The following LRRC7 variants were observed in gnomAD, a reference collection of about 807,000 sequenced individuals.
LRRC7 encodes the protein leucine rich repeat containing 7.
In LRRC7, 23 loss-of-function variants were observed where a neutral mutation model predicts 175.7. The observed-to-expected ratio is 0.13, with a 90% CI of 0.09 to 0.19. The LOEUF (loss-of-function observed/expected upper bound fraction) is 0.19, where lower values mean the gene tolerates loss of function less well. LRRC7 is among the 10% of genes least tolerant of loss of function. The pLI, the probability that LRRC7 is intolerant of heterozygous loss-of-function variation, is 1.00. For synonymous variants in LRRC7, 685 were observed against 680.9 expected (o/e 1.01, Z -0.09); for missense variants, 1,354 against 1,904.7 (o/e 0.71, Z 5.38).
At chr1:70,009,519 C>T (rs1464443782) in intron 11 of LRRC7, among the ~76,000 whole-genome samples, 1 of 151,848 alleles carries the variant, frequency 6.6e-6, no homozygotes, top group Non-Finnish European at 1.5e-5. Context: ...GATGTTGAAA[C>T]AAATTTAACC....
intron 1 of LRRC7, among the ~76,000 whole-genome samples, chr1:69,570,137 T>A (rs971892552): frequency 6.6e-6 from 1 of 152,082 alleles, no homozygotes; most frequent in African/African-American, 2.4e-5. Context: ...AGGCGAAATT[T>A]CTAAGCACAA....
chr1:69,730,980 G>GA (rs1408625551), intron 2 of LRRC7, among the ~76,000 whole-genome samples: 4 of 151,962 alleles, frequency 2.6e-5, no homozygotes, highest in Non-Finnish European at 5.9e-5. Flanking sequence ...GCAGTGCCGA[G>GA]AAAAAGGGGA....
intron 11 of LRRC7, among the ~76,000 whole-genome samples, chr1:69,995,990 CA>C (rs1209906122): frequency 2.0e-5 from 3 of 149,496 alleles, no homozygotes; most frequent in African/African-American, 7.4e-5. Flanking sequence ...CTGACTTCCA[CA>C]ATGGTTGAAC....
intron 1 of LRRC7, among the ~76,000 whole-genome samples, chr1:69,660,921 C>A (rs1372027763): frequency 1.3e-5 from 2 of 151,994 alleles, no homozygotes; most frequent in Non-Finnish European, 1.5e-5. Context: ...AAAGGCTGTA[C>A]ACGTATGCTC....
At chr1:70,048,985 T>C (rs1660546434) in intron 22 of LRRC7, among the ~76,000 whole-genome samples, 1 of 152,140 alleles carries the variant, frequency 6.6e-6, no homozygotes, top group South Asian at 2.1e-4. Flanking sequence ...TGTGGTCTCT[T>C]CTATAATGGA....
intron 4 of LRRC7, among the ~76,000 whole-genome samples, chr1:69,802,669 A>G (rs1482627637): frequency 6.6e-6 from 1 of 151,310 alleles, no homozygotes; most frequent in Non-Finnish European, 1.5e-5. Context: ...TGCTTAATCC[A>G]TACTACTAAT....
Position 69,869,091 on chromosome 1 carries a change from T to A in LRRC7, c.647+30808T>A, listed in dbSNP as rs1490466832. Among the ~76,000 whole-genome samples the A allele has an allele frequency of 1.3e-5, 2 of 152,030 alleles. 1 individual carries two copies. The highest frequency in any genetic ancestry group is 2.9e-5 in the Non-Finnish European group (2 of 67,976). ...AATTGAAATTTCAACCTATGAATTT[T>A]GAGGGAACACAACTCAGCCCACAAC... On this transcript the variant is annotated intron_variant, in intron 7 of 26. Coordinates refer to ENST00000651989, the MANE Select transcript of LRRC7 (RefSeq NM_001370785.2).
intron 1 of LRRC7, among the ~76,000 whole-genome samples, chr1:69,585,988 G>A (rs1054349676): frequency 2.0e-5 from 3 of 152,140 alleles, no homozygotes; most frequent in African/African-American, 7.2e-5. Flanking sequence ...TTCTTAAAAT[G>A]AAGAGACTAT....
rs1235246908 is a variant in LRRC7 at position 70,122,395 on chromosome 1, A to G, written c.*508A>G. The G allele has an allele frequency of 6.6e-6, 1 of 152,166 alleles. No individual in the cohort carries two copies. The highest frequency in any genetic ancestry group is 2.4e-5 in the African/African-American group (1 of 41,436). The allele number at this position is 152,166 out of a possible 1,614,324, so 9.4% of individuals were successfully genotyped here. ...TATTTTCATAAACTAAACATCTCAG[A>G]TAGAGAAAAAATATATCTTAAAATA... On this transcript the variant is annotated 3_prime_UTR_variant, in exon 27 of 27. Transcript: ENST00000651989.
intron 4 of LRRC7, among the ~76,000 whole-genome samples, chr1:69,797,913 T>TTTTG (rs567826773): frequency 1.9e-3 from 288 of 152,202 alleles, no homozygotes; most frequent in African/African-American, 5.2e-3. Flanking sequence ...ACTTTGTTTT[T>TTTTG]TTTGTTTGTT....
intron 8 of LRRC7, among the ~76,000 whole-genome samples, chr1:69,976,007 T>TTCTCC (rs1338803273): frequency 1.3e-5 from 2 of 152,176 alleles, no homozygotes; most frequent in Non-Finnish European, 2.9e-5. Flanking sequence ...CCCTTAACTT[T>TTCTCC]TCTCCTCTCC....
intron 7 of LRRC7, among the ~76,000 whole-genome samples, chr1:69,862,078 G>T (rs150839433): frequency 4.9e-4 from 75 of 152,330 alleles, no homozygotes; most frequent in African/African-American, 1.8e-3. Context: ...AAAGAGCACT[G>T]TCTAGCTTGG....
At chr1:69,628,218 G>A (rs556534326) in intron 1 of LRRC7, among the ~76,000 whole-genome samples, 33 of 152,120 alleles carry the variant, frequency 2.2e-4, no homozygotes, top group South Asian at 2.1e-4. Flanking sequence ...AGATAACACC[G>A]TCATCTATAT....
intron 7 of LRRC7, among the ~76,000 whole-genome samples, chr1:69,865,489 T>TTTTTTTTTTTTTTTTTTTTTTTTTTTTTC (rs1684837004): frequency 8.4e-6 from 1 of 118,414 alleles, no homozygotes; most frequent in Non-Finnish European, 1.8e-5. Flanking sequence ...TTTTTTTTTT[T>TTTTTTTTTTTTTTTTTTTTTTTTTTTTTC]TTTTTGAAAC....
At chr1:69,720,568 T>C (rs1666238945) in intron 2 of LRRC7, among the ~76,000 whole-genome samples, 1 of 151,738 alleles carries the variant, frequency 6.6e-6, no homozygotes. Context: ...AATATTCTCC[T>C]TGTGTCTGAA....
chr1:70,041,932 A>G (rs138127708), intron 21 of LRRC7, among the ~76,000 whole-genome samples: 1 of 152,326 alleles, frequency 6.6e-6, no homozygotes, highest in East Asian at 1.9e-4. Flanking sequence ...CCCAGATAAC[A>G]AAAAGCAAAC....
intron 3 of LRRC7, among the ~76,000 whole-genome samples, chr1:69,776,287 C>T (rs935908276): frequency 6.6e-6 from 1 of 152,044 alleles, no homozygotes; most frequent in Non-Finnish European, 1.5e-5. Context: ...GTCTGCAAAA[C>T]ATAACCTTTC....
chr1:70,071,111 A>G (rs1488541379), intron 23 of LRRC7, among the ~76,000 whole-genome samples: 1 of 151,926 alleles, frequency 6.6e-6, no homozygotes, highest in East Asian at 1.9e-4. Flanking sequence ...GTAGTGGAGG[A>G]GTTATTGTCT....
chr1:70,116,034 A>G (rs1322181743), intron 26 of LRRC7, among the ~76,000 whole-genome samples: 1 of 152,228 alleles, frequency 6.6e-6, no homozygotes, highest in East Asian at 1.9e-4. Context: ...TATTTGTTGA[A>G]GATGATCATT....
Sources: allele counts gnomAD v4.1 joint callset (sites outside exome capture counted in the v4.1 genomes callset), GRCh38; gene constraint gnomAD v4.1.1; transcripts MANE v1.5; gene names NCBI Gene and HGNC (gene_info 2026-07-23, HGNC 2026-07-21).